GALNT12: variants seen among roughly 807,000 people sequenced by gnomAD.
GALNT12 encodes the protein polypeptide N-acetylgalactosaminyltransferase 12, also known as UDP-GalNAc:polypeptide N-acetylgalactosaminyltransferase 12.
GALNT12 carries 45 observed loss-of-function variants against 55.5 expected under a neutral mutation model. That is an observed-to-expected ratio of 0.81 (90% CI 0.64 to 1.04). GALNT12 has a LOEUF of 1.04. Ranked by LOEUF, GALNT12 falls within the 50% of genes least tolerant of loss-of-function variation. The pLI, the probability that GALNT12 is intolerant of heterozygous loss-of-function variation, is 0.00. For missense variants in GALNT12, 709 were observed against 754.8 expected (o/e 0.94, Z 0.71); for synonymous variants, 304 against 312.2 (o/e 0.97, Z 0.28).
intron 1 of GALNT12, among the ~76,000 whole-genome samples, chr9:98,819,050 G>A (rs1835678084): frequency 6.6e-6 from 1 of 152,138 alleles, no homozygotes; most frequent in Non-Finnish European, 1.5e-5. Flanking sequence ...TCCTCCATAG[G>A]GCTGCTTGAG....
chr9:98,829,368 T>A (rs1358100948), intron 3 of GALNT12, among the ~76,000 whole-genome samples: 1 of 151,762 alleles, frequency 6.6e-6, no homozygotes, highest in Non-Finnish European at 1.5e-5. Flanking sequence ...TTTGCATTTT[T>A]AGTAGAGATG....
chr9:98,818,763 G>A (rs554292682), intron 1 of GALNT12, among the ~76,000 whole-genome samples: 83 of 152,150 alleles, frequency 5.5e-4, no homozygotes, highest in Admixed American at 2.3e-3. Context: ...TTTATTTTAT[G>A]GTATGTATTA....
chr9:98,837,499 T>A (rs1466979824), intron 6 of GALNT12, among the ~76,000 whole-genome samples: 1 of 152,236 alleles, frequency 6.6e-6, no homozygotes, highest in African/African-American at 2.4e-5. Flanking sequence ...CAAAGACACC[T>A]GTTTAACATA....
chr9:98,808,194 C>A, intron 1 of GALNT12, 125 bp downstream of exon 1: 2 of 701,602 alleles, frequency 2.9e-6, no homozygotes, highest in Non-Finnish European at 4.6e-6. Flanking sequence ...AGTCTTTCTC[C>A]GAAGACGATA....
chr9:98,837,627 A>G (rs977459715), intron 6 of GALNT12, among the ~76,000 whole-genome samples: 1 of 152,216 alleles, frequency 6.6e-6, no homozygotes, highest in Non-Finnish European at 1.5e-5. Flanking sequence ...ATTTAGGAAC[A>G]CTAGGTAGCA....
intron 1 of GALNT12, among the ~76,000 whole-genome samples, chr9:98,812,828 A>C (rs1282510545): frequency 2.0e-5 from 3 of 151,628 alleles, no homozygotes; most frequent in Admixed American, 6.6e-5. Context: ...TATATTATCT[A>C]TTTCTAACCT....
chr9:98,809,386 C>G (rs1251388410), intron 1 of GALNT12, among the ~76,000 whole-genome samples: 2 of 152,190 alleles, frequency 1.3e-5, no homozygotes, highest in Non-Finnish European at 2.9e-5. Context: ...TGTTTAGCTC[C>G]TCGAAACCCC....
intron 6 of GALNT12, among the ~76,000 whole-genome samples, chr9:98,838,764 C>T (rs961530633): frequency 6.6e-6 from 1 of 152,218 alleles, no homozygotes; most frequent in Non-Finnish European, 1.5e-5. Context: ...TAAGGCTTCT[C>T]ATCAGGCCAC....
chr9:98,824,257 G>A (rs1293211623), intron 2 of GALNT12, among the ~76,000 whole-genome samples: 1 of 152,164 alleles, frequency 6.6e-6, no homozygotes, highest in African/African-American at 2.4e-5. Flanking sequence ...GAATGGGTGT[G>A]GTGGCTCCTT....
Position 98,846,430 on chromosome 9 carries a change from C to G in GALNT12, c.1605+307C>G, listed in dbSNP as rs1564264060. On this transcript the variant is annotated intron_variant, in intron 9 of 9. Coordinates refer to ENST00000375011, the MANE Select transcript of GALNT12 (RefSeq NM_024642.5). ...TGCAGGCACCGACATGGAAACAGCT[C>G]TTACAAATGCATTCAGAGATGAAAG... Among the ~76,000 whole-genome samples the G allele has an allele frequency of 2.0e-5, 3 of 152,178 alleles. No individual in the cohort carries two copies. In the South Asian group the frequency reaches 6.2e-4, roughly 32 times the overall value.
chr9:98,838,511 T>A (rs901427909), intron 6 of GALNT12, among the ~76,000 whole-genome samples: 1 of 152,220 alleles, frequency 6.6e-6, no homozygotes, highest in African/African-American at 2.4e-5. Context: ...CCAGACTGTG[T>A]CCTTCCTCAT....
At chr9:98,831,167 A>G (rs1835984127) in intron 3 of GALNT12, among the ~76,000 whole-genome samples, 1 of 152,238 alleles carries the variant, frequency 6.6e-6, no homozygotes, top group South Asian at 2.1e-4. Context: ...AATATTTCAC[A>G]ATAACAAACA....
At chr9:98,835,189 T>C in intron 4 of GALNT12, 60 bp from the exon 5 acceptor site, 1 of 1,145,136 alleles carries the variant, frequency 8.7e-7, no homozygotes, top group South Asian at 1.2e-5. Flanking sequence ...GGAAGGTAGT[T>C]GGATAACTGT....
chr9:98,832,680 GC>G (rs1424622002), intron 4 of GALNT12, among the ~76,000 whole-genome samples: 1 of 151,912 alleles, frequency 6.6e-6, no homozygotes, highest in East Asian at 1.9e-4. Context: ...CCCCTTCCCA[GC>G]CCCTGGGAAC....
intron 1 of GALNT12, among the ~76,000 whole-genome samples, chr9:98,820,213 C>T (rs970225723): frequency 6.6e-6 from 1 of 152,146 alleles, no homozygotes; most frequent in Non-Finnish European, 1.5e-5. Flanking sequence ...TTAAGCCCAG[C>T]ATGCATTAGC....
chr9:98,843,396 TA>T (rs1450292838), intron 7 of GALNT12, among the ~76,000 whole-genome samples: 2 of 151,894 alleles, frequency 1.3e-5, no homozygotes, highest in Non-Finnish European at 2.9e-5. Flanking sequence ...TGATTTAAAT[TA>T]ATTCTTTTTT....
At chr9:98,818,208 T>A (rs1835657957) in intron 1 of GALNT12, among the ~76,000 whole-genome samples, 1 of 152,188 alleles carries the variant, frequency 6.6e-6, no homozygotes, top group Admixed American at 6.5e-5. Flanking sequence ...ATCGGATGTC[T>A]ATAGCTGTCC....
intron 6 of GALNT12, among the ~76,000 whole-genome samples, chr9:98,839,149 G>C (rs561316304): frequency 6.6e-6 from 1 of 152,296 alleles, no homozygotes; most frequent in South Asian, 2.1e-4. Context: ...ATATTTTAGG[G>C]GGGCACTGAA....
chr9:98,829,357 T>A (rs1297444532), intron 3 of GALNT12, among the ~76,000 whole-genome samples: 1 of 151,742 alleles, frequency 6.6e-6, no homozygotes, highest in African/African-American at 2.4e-5. Flanking sequence ...CCAGGCTAAT[T>A]TTTGCATTTT....
Sources: gnomAD v4.1 joint callset for allele counts (sites outside exome capture counted in the v4.1 genomes callset) on GRCh38, gnomAD v4.1.1 for gene constraint, MANE v1.5 for transcripts, NCBI Gene and HGNC (gene_info 2026-07-23, HGNC 2026-07-21) for gene names.